Variants in RGPD6 observed in about 807,000 individuals in gnomAD.
RGPD6 encodes the protein RANBP2 like and GRIP domain containing 6, also known as RANBP2-like and GRIP domain-containing protein 5/6.
the RGPD6 span, among the ~76,000 whole-genome samples, chr2:110,601,435 C>T: frequency 2.0e-5 from 3 of 148,228 alleles, no homozygotes; most frequent in Non-Finnish European, 4.5e-5. Context: ...TGGTGGGGGG[C>T]GGGTTGTCTG....
chr2:110,599,976 A>G, the RGPD6 span, among the ~76,000 whole-genome samples: 1 of 150,986 alleles, frequency 6.6e-6, no homozygotes, highest in South Asian at 2.1e-4. Context: ...AGGAACACAA[A>G]TAAGAGAGTC....
chr2:110,589,160 G>GA, the RGPD6 span, among the ~76,000 whole-genome samples: 12 of 119,962 alleles, frequency 1.0e-4, no homozygotes, highest in African/African-American at 4.6e-4. Flanking sequence ...GACCAACATG[G>GA]AAAAACCCCA....
chr2:110,600,063 A>T, the RGPD6 span, among the ~76,000 whole-genome samples: 3 of 151,982 alleles, frequency 2.0e-5, no homozygotes, highest in Non-Finnish European at 4.4e-5. Context: ...TCCAAGTCAA[A>T]CTCTGTCCTG....
At chr2:110,607,082 G>C in the RGPD6 span, among the ~76,000 whole-genome samples, 1 of 150,914 alleles carries the variant, frequency 6.6e-6, no homozygotes, top group Middle Eastern at 3.4e-3. Flanking sequence ...TGTTAAAAGG[G>C]ATGGTCATTA....
chr2:110,605,774 C>A, the RGPD6 span, among the ~76,000 whole-genome samples: 100 of 151,416 alleles, frequency 6.6e-4, 2 homozygotes, highest in African/African-American at 2.3e-3. Flanking sequence ...GTTAGCCTAC[C>A]TTCACCAAAC....
At chr2:110,605,839 G>C in the RGPD6 span, among the ~76,000 whole-genome samples, 1 of 151,174 alleles carries the variant, frequency 6.6e-6, no homozygotes, top group Non-Finnish European at 1.5e-5. Context: ...CCACCACGTG[G>C]TTTTCCTCCT....
the RGPD6 span, among the ~76,000 whole-genome samples, chr2:110,607,016 TAA>T: frequency 1.3e-5 from 2 of 151,618 alleles, no homozygotes; most frequent in South Asian, 4.2e-4. Flanking sequence ...GTCTTCTACT[TAA>T]GAGATGATCA....
At chr2:110,607,068 A>T in the RGPD6 span, among the ~76,000 whole-genome samples, 1 of 151,218 alleles carries the variant, frequency 6.6e-6, no homozygotes, top group Non-Finnish European at 1.5e-5. Flanking sequence ...AGCAACAGTT[A>T]GCCTGTTAAA....
the RGPD6 span, chr2:110,610,810 C>CGCCGCTGCT: frequency 9.2e-7 from 1 of 1,087,700 alleles, no homozygotes; most frequent in Non-Finnish European, 1.1e-6. Context: ...CCGCCGCTGC[C>CGCCGCTGCT]GCCGCCGCCG....
chr2:110,609,987 GC>G, the RGPD6 span, among the ~76,000 whole-genome samples: 2 of 145,094 alleles, frequency 1.4e-5, no homozygotes, highest in East Asian at 2.0e-4. Context: ...AACCTGGAGT[GC>G]CCCCCGGGCT....
At chr2:110,606,773 C>T in the RGPD6 span, among the ~76,000 whole-genome samples, 1 of 151,116 alleles carries the variant, frequency 6.6e-6, no homozygotes, top group African/African-American at 2.5e-5. Context: ...TCTTCCAAGA[C>T]TTAGTTCAAA....
At chr2:110,610,035 C>T in the RGPD6 span, among the ~76,000 whole-genome samples, 2 of 145,364 alleles carry the variant, frequency 1.4e-5, no homozygotes, top group East Asian at 4.0e-4. Flanking sequence ...ATACCCGGGG[C>T]GCCCGGGTGG....
the RGPD6 span, among the ~76,000 whole-genome samples, chr2:110,609,649 A>AT: frequency 7.2e-6 from 1 of 139,724 alleles, no homozygotes; most frequent in African/African-American, 3.0e-5. Flanking sequence ...GAAAAAAAAA[A>AT]CAAGCTCAGC....
At chr2:110,607,223 G>A in the RGPD6 span, among the ~76,000 whole-genome samples, 2 of 150,868 alleles carry the variant, frequency 1.3e-5, no homozygotes, top group African/African-American at 4.9e-5. Context: ...GTAAACTCAC[G>A]GAATGCCCAA....
the RGPD6 span, among the ~76,000 whole-genome samples, chr2:110,594,410 G>A: frequency 1.1e-5 from 1 of 94,144 alleles, no homozygotes; most frequent in Admixed American, 1.1e-4. Context: ...TTCTCCTGGA[G>A]GTCCTAGCCA....
At chr2:110,606,790 C>T in the RGPD6 span, among the ~76,000 whole-genome samples, 1 of 151,416 alleles carries the variant, frequency 6.6e-6, no homozygotes, top group Admixed American at 6.6e-5. Context: ...CAAAGGCCAC[C>T]TATTTCATGG....
chr2:110,600,905 T>C, the RGPD6 span, among the ~76,000 whole-genome samples: 69 of 142,414 alleles, frequency 4.8e-4, no homozygotes, highest in East Asian at 5.3e-3. Context: ...CGGACCAATA[T>C]TGATCCACAG....
the RGPD6 span, chr2:110,610,801 C>CGCCGCT: frequency 2.7e-6 from 3 of 1,110,808 alleles, no homozygotes; most frequent in Admixed American, 4.2e-5. Context: ...CCGCCGCTGC[C>CGCCGCT]GCCGCTGCCG....
chr2:110,606,968 T>A, the RGPD6 span, among the ~76,000 whole-genome samples: 1 of 151,776 alleles, frequency 6.6e-6, no homozygotes, highest in Non-Finnish European at 1.5e-5. Context: ...AACCTACACC[T>A]TACTCATCCT....
Sources: allele counts gnomAD v4.1 joint callset (sites outside exome capture counted in the v4.1 genomes callset), GRCh38; gene constraint gnomAD v4.1.1; transcripts MANE v1.5; gene names NCBI Gene and HGNC (gene_info 2026-07-23, HGNC 2026-07-21).